The following LAMA2 variants were observed in gnomAD, a reference collection of about 807,000 sequenced individuals.
LAMA2 encodes laminin subunit alpha-2.
Under a neutral mutation model 364.8 loss-of-function variants are expected in LAMA2, and 269 were observed. The observed-to-expected ratio is 0.74, with a 90% CI of 0.67 to 0.82. The LOEUF is 0.82. LAMA2 is among the 40% of genes least tolerant of loss of function. The pLI, the probability that LAMA2 is intolerant of heterozygous loss-of-function variation, is 0.00. For missense variants in LAMA2, 3,807 were observed against 3,873.2 expected, an observed-to-expected ratio of 0.98 and a Z score of 0.45; for synonymous variants, 1,379 against 1,370.6, an observed-to-expected ratio of 1.01 and a Z score of -0.14.
At chr6:129,186,036 T>G (rs997977703) in intron 10 of LAMA2, among the ~76,000 whole-genome samples, 6 of 151,708 alleles carry the variant, frequency 4.0e-5, no homozygotes, top group African/African-American at 9.7e-5. Context: ...ACTAATGGAC[T>G]CTATACAAAT....
chr6:128,969,469 T>C (rs191287725), intron 1 of LAMA2, among the ~76,000 whole-genome samples: 23 of 152,292 alleles, frequency 1.5e-4, no homozygotes, highest in Admixed American at 1.2e-3. Context: ...TCTCACTCTG[T>C]TGCCCAGGCT....
At chr6:129,130,363 A>G (rs1006854076) in intron 4 of LAMA2, among the ~76,000 whole-genome samples, 7 of 152,190 alleles carry the variant, frequency 4.6e-5, no homozygotes, top group South Asian at 2.1e-4. Flanking sequence ...TCTGTATATC[A>G]TCTCTCCACA....
rs566817703 is a variant in LAMA2, at chr6:128,960,655, C to G, written c.112+77298C>G. ...GATTACAGGCGTGAGCCACCACGCC[C>G]AGCCGATTTCTCTTTTCTTTTATTT... On this transcript the variant is annotated intron_variant, in intron 1 of 64. Transcript: ENST00000421865. Among the ~76,000 whole-genome samples the G allele has an allele frequency of 3.9e-5, 6 of 152,314 alleles. No homozygotes were observed. The South Asian group carries it at 1.2e-3, about 32-fold the overall frequency.
chr6:129,265,770 T>G (rs1176466677), intron 15 of LAMA2, among the ~76,000 whole-genome samples: 1 of 151,920 alleles, frequency 6.6e-6, no homozygotes, highest in Non-Finnish European at 1.5e-5. Context: ...ATGTAGATGA[T>G]GGGTTGATGG....
chr6:129,346,240 C>T (rs1480844798), intron 30 of LAMA2, among the ~76,000 whole-genome samples: 1 of 152,074 alleles, frequency 6.6e-6, no homozygotes, highest in East Asian at 1.9e-4. Flanking sequence ...GGCTCCAAGC[C>T]CTCAACTCCA....
intron 9 of LAMA2, among the ~76,000 whole-genome samples, chr6:129,166,803 A>G (rs1482867174): frequency 6.6e-6 from 1 of 152,176 alleles, no homozygotes; most frequent in African/African-American, 2.4e-5. Context: ...ATGCATACAA[A>G]AATTTCTGAT....
intron 4 of LAMA2, among the ~76,000 whole-genome samples, chr6:129,132,473 T>A (rs1410018695): frequency 6.6e-6 from 1 of 152,160 alleles, no homozygotes; most frequent in Non-Finnish European, 1.5e-5. Flanking sequence ...CCTCTGACCT[T>A]ACTCTTAATT....
chr6:129,298,983 A>G (rs1163133435), intron 21 of LAMA2, among the ~76,000 whole-genome samples: 1 of 152,144 alleles, frequency 6.6e-6, no homozygotes, highest in Non-Finnish European at 1.5e-5. Flanking sequence ...AAGCTCACTG[A>G]CATTTTTACT....
intron 46 of LAMA2, among the ~76,000 whole-genome samples, chr6:129,453,812 A>G (rs1162023330): frequency 6.6e-6 from 1 of 152,134 alleles, no homozygotes. Flanking sequence ...CCTTGGTGAA[A>G]ATAATAATGG....
intron 1 of LAMA2, among the ~76,000 whole-genome samples, chr6:128,940,211 T>A (rs942549471): frequency 1.3e-5 from 2 of 152,112 alleles, no homozygotes; most frequent in African/African-American, 2.4e-5. Context: ...CCCTACTGAA[T>A]TTTCAAACTG....
intron 28 of LAMA2, among the ~76,000 whole-genome samples, chr6:129,326,902 A>G (rs553835481): frequency 1.3e-5 from 2 of 150,548 alleles, no homozygotes; most frequent in Non-Finnish European, 3.0e-5. Context: ...CCACTTTTAA[A>G]TAGATCTTGG....
chr6:129,497,916 C>T (rs1306935452), intron 58 of LAMA2, among the ~76,000 whole-genome samples: 1 of 151,886 alleles, frequency 6.6e-6, no homozygotes, highest in Non-Finnish European at 1.5e-5. Context: ...ATTCTTTAGC[C>T]CATCGAGAGC....
chr6:128,997,316 AAGAG>A (rs1164445868), intron 1 of LAMA2, among the ~76,000 whole-genome samples: 9 of 142,142 alleles, frequency 6.3e-5, no homozygotes, highest in East Asian at 2.3e-4. Context: ...GAAAGAAACA[AAGAG>A]AGAGAGAGAA....
At chr6:129,342,099 C>G (rs775161669) in intron 29 of LAMA2, among the ~76,000 whole-genome samples, 2 of 152,188 alleles carry the variant, frequency 1.3e-5, no homozygotes, top group Admixed American at 6.5e-5. Context: ...AAGAGAATAG[C>G]AACTCTTATT....
chr6:129,047,951 G>C (rs1040071688), intron 1 of LAMA2, among the ~76,000 whole-genome samples: 1 of 152,188 alleles, frequency 6.6e-6, no homozygotes, highest in South Asian at 2.1e-4. Context: ...GAGTGATTAA[G>C]AGGATAGACT....
At chr6:129,118,411 TTCCTTC>T (rs1477475014) in intron 4 of LAMA2, among the ~76,000 whole-genome samples, 4 of 152,234 alleles carry the variant, frequency 2.6e-5, no homozygotes, top group Non-Finnish European at 4.4e-5. Context: ...TGGTTTACGA[TTCCTTC>T]TTCCTCTATC....
intron 20 of LAMA2, among the ~76,000 whole-genome samples, chr6:129,297,432 C>T (rs1422820722): frequency 6.6e-6 from 1 of 152,096 alleles, no homozygotes; most frequent in Non-Finnish European, 1.5e-5. Context: ...GGTGAAAATA[C>T]AACAGACAGT....
chr6:129,031,693 T>G (rs1562169242), intron 1 of LAMA2, among the ~76,000 whole-genome samples: 1 of 152,252 alleles, frequency 6.6e-6, no homozygotes, highest in Non-Finnish European at 1.5e-5. Flanking sequence ...ATACATCTTT[T>G]TAAAATGTTA....
intron 12 of LAMA2, among the ~76,000 whole-genome samples, chr6:129,228,936 G>T (rs1192779157): frequency 2.0e-5 from 3 of 152,116 alleles, no homozygotes; most frequent in African/African-American, 4.8e-5. Context: ...ATTGACTGAT[G>T]CTCCTCTTAT....
Sources: gnomAD v4.1 joint callset for allele counts (sites outside exome capture counted in the v4.1 genomes callset) on GRCh38, gnomAD v4.1.1 for gene constraint, MANE v1.5 for transcripts, NCBI Gene and HGNC (gene_info 2026-07-23, HGNC 2026-07-21) for gene names.